CACNA2D3: variants seen among roughly 807,000 people sequenced by gnomAD.
CACNA2D3 encodes the protein calcium voltage-gated channel auxiliary subunit alpha2delta 3.
In CACNA2D3, 60 loss-of-function variants were observed where a neutral mutation model predicts 160.6. The ratio of observed to expected loss-of-function variants is 0.37; its 90% confidence interval spans 0.30 to 0.46. The LOEUF is 0.46. Ranked by LOEUF, CACNA2D3 falls within the 20% of genes least tolerant of loss-of-function variation. CACNA2D3 has a pLI of 1.00. For missense variants in CACNA2D3, 1,205 were observed against 1,365.0 expected (o/e 0.88, Z 1.85); for synonymous variants, 558 against 492.9 (o/e 1.13, Z -1.75).
At chr3:54,626,027 T>C (rs1445753536) in intron 9 of CACNA2D3, among the ~76,000 whole-genome samples, 1 of 152,170 alleles carries the variant, frequency 6.6e-6, no homozygotes, top group Non-Finnish European at 1.5e-5. Context: ...CATGGGTGGA[T>C]ATTTTCCATG....
At chr3:54,488,660 T>TTC (rs1172616708) in intron 4 of CACNA2D3, among the ~76,000 whole-genome samples, 1 of 152,112 alleles carries the variant, frequency 6.6e-6, no homozygotes, top group Non-Finnish European at 1.5e-5. Context: ...CCTTCTCTCT[T>TTC]TCTTCGCATT....
chr3:54,813,056 G>T (rs757562121), intron 13 of CACNA2D3, among the ~76,000 whole-genome samples: 1 of 152,180 alleles, frequency 6.6e-6, no homozygotes, highest in African/African-American at 2.4e-5. Context: ...ATGTTTGAAT[G>T]TGAAGTGTCA....
intron 13 of CACNA2D3, among the ~76,000 whole-genome samples, chr3:54,800,009 A>C (rs1016300330): frequency 7.9e-5 from 12 of 152,176 alleles, no homozygotes; most frequent in African/African-American, 2.9e-4. Context: ...GACATGCATA[A>C]ATTATGAAAC....
intron 4 of CACNA2D3, among the ~76,000 whole-genome samples, chr3:54,447,506 C>T (rs984152758): frequency 3.9e-5 from 6 of 152,178 alleles, no homozygotes; most frequent in African/African-American, 1.4e-4. Context: ...GAGGCCAGAC[C>T]ACAGAAGTGG....
intron 4 of CACNA2D3, among the ~76,000 whole-genome samples, chr3:54,478,445 A>G (rs1700867820): frequency 6.6e-6 from 1 of 151,676 alleles, no homozygotes; most frequent in Non-Finnish European, 1.5e-5. Flanking sequence ...ATCCTCGCTA[A>G]CACGGTGAAA....
intron 9 of CACNA2D3, among the ~76,000 whole-genome samples, chr3:54,585,502 A>G (rs776196851): frequency 3.3e-5 from 5 of 152,228 alleles, no homozygotes; most frequent in Admixed American, 1.3e-4. Context: ...CACCTTATGT[A>G]TTAGTCTGCT....
At chr3:54,478,868 AATTACTT>A (rs1310685417) in intron 4 of CACNA2D3, among the ~76,000 whole-genome samples, 3 of 150,690 alleles carry the variant, frequency 2.0e-5, no homozygotes, top group Admixed American at 6.6e-5. Flanking sequence ...CTTTTCTAAT[AATTACTT>A]ATTACTTATT....
intron 11 of CACNA2D3, among the ~76,000 whole-genome samples, chr3:54,657,212 C>T (rs879828100): frequency 3.3e-5 from 5 of 152,060 alleles, no homozygotes; most frequent in Admixed American, 6.6e-5. Context: ...GGAATGTCAT[C>T]AGTTAAGGCA....
At chr3:54,660,931 C>T (rs1009812083) in intron 11 of CACNA2D3, among the ~76,000 whole-genome samples, 11 of 152,162 alleles carry the variant, frequency 7.2e-5, no homozygotes, top group African/African-American at 2.7e-4. Flanking sequence ...GAAAAGAAAA[C>T]AGCTGAGGTT....
At chr3:55,054,688 G>A (rs2107211690) in intron 35 of CACNA2D3, among the ~76,000 whole-genome samples, 1 of 151,676 alleles carries the variant, frequency 6.6e-6, no homozygotes, top group Non-Finnish European at 1.5e-5. Flanking sequence ...TGATTCTTCT[G>A]TTGACTATTT....
intron 11 of CACNA2D3, among the ~76,000 whole-genome samples, chr3:54,704,000 CT>C (rs1700813573): frequency 6.6e-6 from 1 of 152,210 alleles, no homozygotes; most frequent in African/African-American, 2.4e-5. Context: ...CCTAAGCTCT[CT>C]TTAATCTTGA....
intron 2 of CACNA2D3, among the ~76,000 whole-genome samples, chr3:54,191,623 C>G (rs1034218137): frequency 3.3e-5 from 5 of 151,980 alleles, no homozygotes; most frequent in South Asian, 2.1e-4. Context: ...GTGCCTGGTG[C>G]TGGGAGTGGC....
chr3:54,862,415 G>A (rs965897342), intron 17 of CACNA2D3, among the ~76,000 whole-genome samples: 3 of 151,068 alleles, frequency 2.0e-5, no homozygotes, highest in East Asian at 1.9e-4. Flanking sequence ...GCACACACAC[G>A]CACACGTGAT....
chr3:54,722,323 G>C (rs892542195), intron 11 of CACNA2D3, among the ~76,000 whole-genome samples: 56 of 152,086 alleles, frequency 3.7e-4, no homozygotes, highest in African/African-American at 1.3e-3. Context: ...CTTTTTTCAA[G>C]GTTCTTAGCT....
At chr3:54,207,321 A>G (rs1275943798) in intron 2 of CACNA2D3, among the ~76,000 whole-genome samples, 1 of 150,680 alleles carries the variant, frequency 6.6e-6, no homozygotes. Context: ...GCTCAGAGAT[A>G]TTGCCACTTG....
At chr3:54,299,799 C>T (rs533326413) in intron 2 of CACNA2D3, among the ~76,000 whole-genome samples, 2 of 152,238 alleles carry the variant, frequency 1.3e-5, no homozygotes, top group East Asian at 1.9e-4. Context: ...ATTAACACAT[C>T]GATTTTCTGT....
intron 2 of CACNA2D3, among the ~76,000 whole-genome samples, chr3:54,221,361 G>A (rs1478581392): frequency 6.6e-6 from 1 of 152,146 alleles, no homozygotes; most frequent in African/African-American, 2.4e-5. Context: ...TATGATTATA[G>A]TTTATTCTAC....
chr3:54,871,218 CA>C (rs1699525205), intron 17 of CACNA2D3, among the ~76,000 whole-genome samples: 2 of 103,244 alleles, frequency 1.9e-5, no homozygotes, highest in Non-Finnish European at 3.8e-5. Flanking sequence ...CACACACACA[CA>C]CACACCCCCC....
chr3:54,286,207 G>T (rs1703021206), intron 2 of CACNA2D3, among the ~76,000 whole-genome samples: 2 of 152,212 alleles, frequency 1.3e-5, no homozygotes, highest in Admixed American at 6.5e-5. Flanking sequence ...TGTATAACTA[G>T]AATAACCAAT....
Sources: allele counts gnomAD v4.1 joint callset (sites outside exome capture counted in the v4.1 genomes callset), GRCh38; gene constraint gnomAD v4.1.1; transcripts MANE v1.5; gene names NCBI Gene and HGNC (gene_info 2026-07-23, HGNC 2026-07-21).